Variants in RABGAP1L observed in about 807,000 individuals in gnomAD.
The protein encoded by RABGAP1L is rab GTPase-activating protein 1-like.
RABGAP1L carries 63 observed loss-of-function variants against 137.7 expected under a neutral mutation model. The ratio of observed to expected loss-of-function variants is 0.46; its 90% confidence interval spans 0.37 to 0.56. The LOEUF is 0.56. RABGAP1L is among the 20% of genes least tolerant of loss of function. The pLI, the probability that RABGAP1L is intolerant of heterozygous loss-of-function variation, is 0.00. For synonymous variants in RABGAP1L, 431 were observed against 433.7 expected (o/e 0.99, Z 0.08); for missense variants, 1,095 against 1,244.0 (o/e 0.88, Z 1.80).
intron 13 of RABGAP1L, chr1:174,544,738 A>G (rs1303457579): frequency 6.6e-6 from 1 of 152,234 alleles, no homozygotes; most frequent in African/African-American, 2.4e-5. Context: ...TTGTGGTTTT[A>G]TCTACCTTTG....
intron 17 of RABGAP1L, among the ~76,000 whole-genome samples, chr1:174,712,276 T>G (rs936599834): frequency 2.0e-5 from 3 of 152,204 alleles, no homozygotes; most frequent in Admixed American, 6.5e-5. Flanking sequence ...TTTTGCTCTT[T>G]GCAGTAAATT....
chr1:174,388,085 A>G (rs1686949721), intron 12 of RABGAP1L, among the ~76,000 whole-genome samples: 1 of 152,122 alleles, frequency 6.6e-6, no homozygotes, highest in Admixed American at 6.5e-5. Context: ...ATTTACATAT[A>G]GACATTTTTG....
chr1:174,722,573 C>T (rs1681653098), intron 17 of RABGAP1L, among the ~76,000 whole-genome samples: 1 of 151,944 alleles, frequency 6.6e-6, no homozygotes, highest in Non-Finnish European at 1.5e-5. Flanking sequence ...CCTCAGCCTC[C>T]CAAGTGGCTG....
At chr1:174,871,616 G>A (rs1652207263) in intron 19 of RABGAP1L, among the ~76,000 whole-genome samples, 1 of 152,154 alleles carries the variant, frequency 6.6e-6, no homozygotes, top group South Asian at 2.1e-4. Context: ...AGAAAAACTT[G>A]AGAGAAATGG....
At chr1:174,469,951 A>T (rs986168925) in intron 13 of RABGAP1L, among the ~76,000 whole-genome samples, 1 of 147,708 alleles carries the variant, frequency 6.8e-6, no homozygotes, top group Non-Finnish European at 1.5e-5. Context: ...TGACTGGAGG[A>T]AAAAAAAAAA....
intron 18 of RABGAP1L, among the ~76,000 whole-genome samples, chr1:174,781,610 C>T (rs1687013240): frequency 6.6e-6 from 1 of 152,128 alleles, no homozygotes; most frequent in South Asian, 2.1e-4. Flanking sequence ...GTTGCCATTG[C>T]TTTTGGTGTT....
chr1:174,932,424 G>T lies in RABGAP1L; in HGVS notation c.2341-25033G>T, dbSNP rs556277183. Among the ~76,000 whole-genome samples the T allele has an allele frequency of 3.3e-5, 5 of 151,930 alleles. No homozygotes were observed. In the South Asian group the frequency reaches 1.0e-3, roughly 32 times the overall value. On this transcript the variant is annotated intron_variant, in intron 19 of 25. Coordinates refer to ENST00000681986, the MANE Select transcript of RABGAP1L (RefSeq NM_001366446.1). ...GTTTCTCCATTTGAGTTTGTCTGGT[G>T]GTTCCTTAAGATTAGATTTAGGATA... is the stretch of plus-strand genomic sequence containing the variant.
chr1:174,890,181 A>C (rs914274474), intron 19 of RABGAP1L, among the ~76,000 whole-genome samples: 2 of 152,240 alleles, frequency 1.3e-5, no homozygotes, highest in African/African-American at 4.8e-5. Context: ...ATCGTCAAAG[A>C]GATAACAGTC....
intron 4 of RABGAP1L, among the ~76,000 whole-genome samples, chr1:174,231,812 C>T (rs777910662): frequency 2.0e-5 from 3 of 150,934 alleles, no homozygotes; most frequent in Non-Finnish European, 4.4e-5. Flanking sequence ...TTCATGAGAA[C>T]AGCTATCATG....
chr1:174,240,105 AT>A lies in RABGAP1L; in HGVS notation c.543-1375del, dbSNP rs1449125087. On this transcript the variant is annotated intron_variant, in intron 4 of 25. Coordinates refer to ENST00000681986, the MANE Select transcript of RABGAP1L (RefSeq NM_001366446.1). ...ATTTGCCAAACACACCTTGACAGAG[AT>A]TTAGTGTTTTGACTTGCCTCTTTAT... Among the ~76,000 whole-genome samples, 8 of 152,288 alleles carry A rather than the reference AT, an allele frequency of 5.3e-5. No homozygotes were observed. The East Asian group carries it at 1.5e-3, about 29-fold the overall frequency.
intron 1 of RABGAP1L, among the ~76,000 whole-genome samples, chr1:174,215,323 G>A (rs1361344377): frequency 6.6e-6 from 1 of 152,014 alleles, no homozygotes; most frequent in African/African-American, 2.4e-5. Flanking sequence ...TGGGTGTGGT[G>A]GTGCACACCT....
At chr1:174,569,385 G>A (rs943162538) in intron 13 of RABGAP1L, among the ~76,000 whole-genome samples, 2 of 152,142 alleles carry the variant, frequency 1.3e-5, no homozygotes, top group East Asian at 3.9e-4. Flanking sequence ...AGATCATGAA[G>A]GCCAGGGCTG....
In RABGAP1L at chr1:174,892,792, T is replaced by A. The variant is rs1573699476; in HGVS notation, c.2341-64665T>A. Reference sequence around the variant, plus strand: ...TCGCCCAGGCTGGAGTGCAATGGCATGATCTTGACTCACTGCAACCTCCGC... The same window carrying A: ...TCGCCCAGGCTGGAGTGCAATGGCAAGATCTTGACTCACTGCAACCTCCGC... On this transcript the variant is annotated intron_variant, in intron 19 of 25. Coordinates refer to ENST00000681986, the MANE Select transcript of RABGAP1L (RefSeq NM_001366446.1). The A allele has an allele frequency of 8.5e-6, 3 of 354,480 alleles. No individual in the cohort carries two copies. In the East Asian group the frequency reaches 2.3e-4, roughly 27 times the overall value. The allele number at this position is 354,480 out of a possible 1,614,324, so 22.0% of individuals were successfully genotyped here.
intron 10 of RABGAP1L, among the ~76,000 whole-genome samples, chr1:174,300,651 G>A (rs559128098): frequency 2.0e-5 from 3 of 152,130 alleles, no homozygotes; most frequent in Non-Finnish European, 2.9e-5. Context: ...GGTGGCTTAT[G>A]CCTGTATTCC....
intron 12 of RABGAP1L, among the ~76,000 whole-genome samples, chr1:174,390,380 T>C (rs544020207): frequency 7.2e-5 from 11 of 152,342 alleles, no homozygotes; most frequent in South Asian, 4.1e-4. Flanking sequence ...AAAGTATTCA[T>C]TGGGGACTGT....
chr1:174,271,028 A>G (rs1438396097), intron 7 of RABGAP1L, among the ~76,000 whole-genome samples: 1 of 152,158 alleles, frequency 6.6e-6, no homozygotes, highest in Non-Finnish European at 1.5e-5. Flanking sequence ...ATTGATTATT[A>G]TTTAATTTGT....
At chr1:174,181,783 T>C (rs1238077018) in intron 1 of RABGAP1L, among the ~76,000 whole-genome samples, 2 of 152,106 alleles carry the variant, frequency 1.3e-5, no homozygotes, top group African/African-American at 2.4e-5. Flanking sequence ...TTCCTGAGCA[T>C]ATGCCAGTAA....
At chr1:174,536,527 CT>C (rs1323906437) in intron 13 of RABGAP1L, among the ~76,000 whole-genome samples, 6 of 151,886 alleles carry the variant, frequency 4.0e-5, no homozygotes, top group Admixed American at 3.3e-4. Context: ...AAGAATTATG[CT>C]TTTTTTCCTT....
chr1:174,302,004 G>A (rs1427873132), intron 10 of RABGAP1L, among the ~76,000 whole-genome samples: 1 of 152,156 alleles, frequency 6.6e-6, no homozygotes, highest in Non-Finnish European at 1.5e-5. Context: ...GCCCCTGTCT[G>A]CCTAGGATTT....
Sources: allele counts gnomAD v4.1 joint callset (sites outside exome capture counted in the v4.1 genomes callset), GRCh38; gene constraint gnomAD v4.1.1; transcripts MANE v1.5; gene names NCBI Gene and HGNC (gene_info 2026-07-23, HGNC 2026-07-21).